CDH13: variants seen among roughly 807,000 people sequenced by gnomAD.
CDH13 encodes the protein cadherin 13.
CDH13 carries 24 observed loss-of-function variants against 63.8 expected under a neutral mutation model. The observed-to-expected ratio is 0.38, with a 90% CI of 0.27 to 0.53. The LOEUF is 0.53. CDH13 is among the 20% of genes least tolerant of loss of function. The probability of loss-of-function intolerance (pLI) is 0.85; values close to 1 mark genes in which losing one functional copy is unlikely to be tolerated. For missense variants in CDH13, 1,049 were observed against 903.1 expected (o/e 1.16, Z -2.07); for synonymous variants, 503 against 355.3 (o/e 1.42, Z -4.67).
At chr16:83,163,625 G>A (rs1258397838) in intron 4 of CDH13, among the ~76,000 whole-genome samples, 1 of 152,040 alleles carries the variant, frequency 6.6e-6, no homozygotes, top group Non-Finnish European at 1.5e-5. Flanking sequence ...TATGACTAGT[G>A]CTAGCCAAAG....
In CDH13 at chr16:83,046,279, C is replaced by G. The variant is rs117948247; in HGVS notation, c.366+14061C>G. Among the ~76,000 whole-genome samples, 1,443 of 152,260 alleles carry G rather than the reference C, an allele frequency of 9.5e-3. 7 individuals are homozygous for G. The highest frequency in any genetic ancestry group is 0.016 in the Non-Finnish European group (1,107 of 68,016). Reference sequence around the variant, plus strand: ...TTGTTATTTGCTGAATTGCTTCTATCTTTCTTAATTAGGTAGGAAGTAGCA... The same window carrying G: ...TTGTTATTTGCTGAATTGCTTCTATGTTTCTTAATTAGGTAGGAAGTAGCA... On this transcript the variant is annotated intron_variant, in intron 3 of 13. Coordinates refer to ENST00000567109, the MANE Select transcript of CDH13 (RefSeq NM_001257.5).
intron 1 of CDH13, among the ~76,000 whole-genome samples, chr16:82,857,880 T>C (rs374881236): frequency 3.3e-5 from 5 of 152,186 alleles, no homozygotes; most frequent in Admixed American, 6.5e-5. Context: ...CCACCGGTGG[T>C]TCATGGTCAC....
chr16:82,799,982 T>A (rs1328397035), intron 1 of CDH13, among the ~76,000 whole-genome samples: 1 of 152,170 alleles, frequency 6.6e-6, no homozygotes, highest in South Asian at 2.1e-4. Context: ...GCAGAGAGGA[T>A]CTATTTTCTA....
chr16:83,212,510 A>C (rs1191702885), intron 4 of CDH13, among the ~76,000 whole-genome samples: 1 of 152,306 alleles, frequency 6.6e-6, no homozygotes. Context: ...TAGTGACTTT[A>C]AGAAAAACCA....
At chr16:83,405,564 T>C (rs141666311) in intron 6 of CDH13, among the ~76,000 whole-genome samples, 2 of 152,342 alleles carry the variant, frequency 1.3e-5, no homozygotes, top group African/African-American at 4.8e-5. Flanking sequence ...TGTAGCCCTT[T>C]GGATTCATTT....
At chr16:82,963,564 C>T (rs1028754708) in intron 2 of CDH13, among the ~76,000 whole-genome samples, 3 of 152,120 alleles carry the variant, frequency 2.0e-5, no homozygotes, top group African/African-American at 7.2e-5. Flanking sequence ...AGTCTGTCTT[C>T]CCCTTATATA....
chr16:82,978,241 G>C (rs1032085991), intron 2 of CDH13, among the ~76,000 whole-genome samples: 1 of 152,192 alleles, frequency 6.6e-6, no homozygotes, highest in Non-Finnish European at 1.5e-5. Flanking sequence ...AAGGGAAGCA[G>C]AACATAAAAG....
chr16:83,370,995 C>T (rs994348313), intron 6 of CDH13, among the ~76,000 whole-genome samples: 4 of 152,188 alleles, frequency 2.6e-5, no homozygotes, highest in African/African-American at 9.7e-5. Context: ...TACCATCTCA[C>T]ACCAGTCAGA....
intron 1 of CDH13, among the ~76,000 whole-genome samples, chr16:82,743,485 G>T (rs555912510): frequency 5.9e-5 from 9 of 152,096 alleles, no homozygotes; most frequent in Non-Finnish European, 1.2e-4. Context: ...TCCCAAAATG[G>T]TGAGATTACA....
At chr16:83,214,190 CAG>C (rs1344019089) in intron 4 of CDH13, among the ~76,000 whole-genome samples, 1 of 152,016 alleles carries the variant, frequency 6.6e-6, no homozygotes, top group Non-Finnish European at 1.5e-5. Context: ...ACCACAGTGA[CAG>C]AGAAGAGGTG....
chr16:82,910,593 C>T (rs906303110), intron 2 of CDH13, among the ~76,000 whole-genome samples: 10 of 152,160 alleles, frequency 6.6e-5, no homozygotes, highest in African/African-American at 2.4e-4. Context: ...AGTCTCAAGG[C>T]TAATCCTTGT....
chr16:82,705,069 T>C (rs1280305783), intron 1 of CDH13: 1 of 446,866 alleles, frequency 2.2e-6, no homozygotes, highest in Non-Finnish European at 4.5e-6. Flanking sequence ...TAGACACCAG[T>C]GAGGCCTACC....
At chr16:82,676,978 G>A (rs972043126) in intron 1 of CDH13, among the ~76,000 whole-genome samples, 1 of 152,170 alleles carries the variant, frequency 6.6e-6, no homozygotes, top group African/African-American at 2.4e-5. Flanking sequence ...CCGCCTCCCA[G>A]GTTCAAGCGA....
intron 6 of CDH13, among the ~76,000 whole-genome samples, chr16:83,481,383 C>T (rs929479340): frequency 6.6e-6 from 1 of 152,216 alleles, no homozygotes; most frequent in African/African-American, 2.4e-5. Flanking sequence ...TCTTTTGGAG[C>T]ATCCCCATCC....
chr16:82,629,013 C>T (rs907219807), intron 1 of CDH13, among the ~76,000 whole-genome samples: 1 of 152,208 alleles, frequency 6.6e-6, no homozygotes, highest in Non-Finnish European at 1.5e-5. Context: ...AGAGCACTTA[C>T]CATTGCCTTG....
chr16:83,230,015 G>C (rs1229592999), intron 5 of CDH13, among the ~76,000 whole-genome samples: 1 of 152,188 alleles, frequency 6.6e-6, no homozygotes, highest in Non-Finnish European at 1.5e-5. Context: ...TTTTGAAATT[G>C]ATTGTGTCCT....
At chr16:83,304,564 A>G (rs571170223) in intron 5 of CDH13, among the ~76,000 whole-genome samples, 21 of 152,298 alleles carry the variant, frequency 1.4e-4, no homozygotes, top group African/African-American at 5.1e-4. Flanking sequence ...CAAATAATAG[A>G]TATTTGTCCT....
At chr16:83,599,465 A>T (rs1238553355) in intron 7 of CDH13, among the ~76,000 whole-genome samples, 1 of 152,244 alleles carries the variant, frequency 6.6e-6, no homozygotes, top group Non-Finnish European at 1.5e-5. Flanking sequence ...CATACTCTTT[A>T]TCCTAGTAAT....
rs144400950 is a variant in CDH13 at position 82,743,783 on chromosome 16, T to G, written c.46-114579T>G. Among the ~76,000 whole-genome samples the G allele has an allele frequency of 5.6e-3, 860 of 152,308 alleles. 3 individuals carry two copies. The highest frequency in any genetic ancestry group is 0.017 in the African/African-American group (708 of 41,574). On this transcript the variant is annotated intron_variant, in intron 1 of 13. Coordinates refer to ENST00000567109, the MANE Select transcript of CDH13 (RefSeq NM_001257.5). Reference sequence around the variant, plus strand: ...AGATAGTTCTCTGCATCTTTTACATTAAAAATCTTGCCATAAGTGTATTTT... The same window carrying G: ...AGATAGTTCTCTGCATCTTTTACATGAAAAATCTTGCCATAAGTGTATTTT...
Sources: allele counts gnomAD v4.1 joint callset (sites outside exome capture counted in the v4.1 genomes callset), GRCh38; gene constraint gnomAD v4.1.1; transcripts MANE v1.5; gene names NCBI Gene and HGNC (gene_info 2026-07-23, HGNC 2026-07-21).